NAF1: variants seen among roughly 807,000 people sequenced by gnomAD.
The protein encoded by NAF1 is H/ACA ribonucleoprotein complex non-core subunit NAF1.
In NAF1, 11 loss-of-function variants were observed where a neutral mutation model predicts 40.6. The observed-to-expected ratio is 0.27, with a 90% CI of 0.17 to 0.45. NAF1 has a LOEUF of 0.45. Ranked by LOEUF, NAF1 falls within the 20% of genes least tolerant of loss-of-function variation. The pLI, the probability that NAF1 is intolerant of heterozygous loss-of-function variation, is 1.00. For missense variants in NAF1, 607 were observed against 611.1 expected (o/e 0.99, Z 0.07); for synonymous variants, 260 against 228.5 (o/e 1.14, Z -1.24).
At chr4:163,127,004 T>C, downstream of NAF1, 4 of 1,551,458 alleles carry the variant, frequency 2.6e-6, no homozygotes, top group East Asian at 4.9e-5. Flanking sequence ...TAAACTAAAG[T>C]AGCATGTAAA....
At chr4:163,107,308 C>G (rs1180661542), downstream of NAF1, among the ~76,000 whole-genome samples, 7 of 152,128 alleles carry the variant, frequency 4.6e-5, no homozygotes, top group Admixed American at 2.0e-4. Context: ...TTGCTACTTA[C>G]GTCATTTTGC....
Position 163,164,316 on chromosome 4 carries a change from T to C in NAF1, c.441A>G (p.Ile147Met). ...CATCTGACAGCACTGGAGGAAGTGA[T>C]ATACAAGAGGAAGAAGACGACGATG... ...SSSSSSSSSC[I>M]SLPPVLSDGD... The change falls in exon 2 of 8, where the codon ATA (isoleucine) becomes ATG (methionine). Residue 147 changes from isoleucine to methionine, a missense_variant. Ile to Met is a conservative substitution (Grantham distance 10). Coordinates refer to ENST00000274054, the MANE Select transcript of NAF1 (RefSeq NM_138386.3). 6.2e-7 allele frequency: 1 copy of C among 1,602,352 alleles called. No individual in the cohort carries two copies.
chr4:163,130,688 CATAA>C (rs941467685), intron 7 of NAF1, among the ~76,000 whole-genome samples: 1 of 152,178 alleles, frequency 6.6e-6, no homozygotes, highest in Admixed American at 6.5e-5. Flanking sequence ...TACAACAGAG[CATAA>C]GTAGTGTTTT....
At chr4:163,136,747 G>C (rs1203164195) in intron 6 of NAF1, among the ~76,000 whole-genome samples, 1 of 152,124 alleles carries the variant, frequency 6.6e-6, no homozygotes. Context: ...AAAGTAGAGA[G>C]GTAGGTAGCT....
At chr4:163,129,765 G>C (rs947645861) in intron 7 of NAF1, among the ~76,000 whole-genome samples, 1 of 152,104 alleles carries the variant, frequency 6.6e-6, no homozygotes, top group African/African-American at 2.4e-5. Context: ...ACATCACATG[G>C]GGAACCTGAA....
intron 1 of NAF1, among the ~76,000 whole-genome samples, chr4:163,165,945 T>C (rs1732440038): frequency 6.6e-6 from 1 of 152,044 alleles, no homozygotes; most frequent in Non-Finnish European, 1.5e-5. Flanking sequence ...TGATCCCCAA[T>C]GTATGTGGTT....
At chr4:163,157,000 G>C (rs1732012373) in intron 2 of NAF1, 1 of 152,028 alleles carries the variant, frequency 6.6e-6, no homozygotes, top group Non-Finnish European at 1.5e-5. Flanking sequence ...ACATAACAAA[G>C]AGTAGGAAAG....
At chr4:163,142,830 A>T (rs1447321351) in intron 4 of NAF1, among the ~76,000 whole-genome samples, 1 of 152,208 alleles carries the variant, frequency 6.6e-6, no homozygotes, top group Non-Finnish European at 1.5e-5. Flanking sequence ...CTGAGAGCTA[A>T]ACTGTAAAGA....
At chr4:163,162,294 C>T (rs998927321) in intron 2 of NAF1, among the ~76,000 whole-genome samples, 3 of 152,162 alleles carry the variant, frequency 2.0e-5, no homozygotes, top group Non-Finnish European at 2.9e-5. Flanking sequence ...TTTGAAACCC[C>T]GAAGAAGTCC....
chr4:163,165,718 T>G (rs1732426359), intron 1 of NAF1, among the ~76,000 whole-genome samples: 1 of 152,124 alleles, frequency 6.6e-6, no homozygotes, highest in African/African-American at 2.4e-5. Context: ...TTTAGTAACA[T>G]CCCACATGCT....
At position 163,166,530 on chromosome 4, in the gene NAF1, A is replaced by G. The variant is rs772358181; in HGVS notation, c.198T>C (p.Pro66=). 6.3e-7 allele frequency: 1 copy of G among 1,594,840 alleles called. No homozygotes were observed. The highest frequency in any genetic ancestry group is 8.5e-7 in the Non-Finnish European group (1 of 1,170,962). Residue 66 remains proline (P), a synonymous_variant, in exon 1 of 8, where the codon CCT becomes CCC. Coordinates refer to ENST00000274054, the MANE Select transcript of NAF1 (RefSeq NM_138386.3). ...TVEVKPAGEQ[P]LQPVLNAVAA... ...CGACGGCGTTCAGAACGGGCTGCAG[A>G]GGCTGCTCCCCGGCAGGCTTAACCT...
chr4:163,160,186 A>G (rs991418644), intron 2 of NAF1, among the ~76,000 whole-genome samples: 1 of 152,154 alleles, frequency 6.6e-6, no homozygotes, highest in African/African-American at 2.4e-5. Context: ...AAACCTTCTG[A>G]GCATTAAAAA....
Position 163,166,861 on chromosome 4 carries a change from G to A in NAF1, c.-134C>T, listed in dbSNP as rs1732506165. The A allele has an allele frequency of 1.6e-6, 2 of 1,217,808 alleles. No individual in the cohort carries two copies. The highest frequency in any genetic ancestry group is 2.2e-6 in the Non-Finnish European group (2 of 895,984). 75.4% of individuals were successfully genotyped at this position (1,217,808 alleles called of 1,614,324 possible). On this transcript the variant is annotated 5_prime_UTR_variant, in exon 1 of 8. Coordinates refer to ENST00000274054, the MANE Select transcript of NAF1 (RefSeq NM_138386.3). ...GGGCCCAACTTCCCGCGTTTCTCAG[G>A]TAACTACACGCGGAGGAGCCAAAAG...
In NAF1 at chr4:163,129,090, A is replaced by G. The variant is rs753171587; in HGVS notation, c.1292T>C (p.Met431Thr). The G allele has an allele frequency of 2.9e-5, 46 of 1,604,506 alleles. No homozygotes were observed. In the South Asian group the frequency reaches 5.0e-4, roughly 17 times the overall value. The stretch of plus-strand genomic sequence containing the variant: ...TGGAGGGCGGAGGGGAAAATTATGC[A>G]TGTCAAACACTGGAAGAGGAAAGGG... The part of the protein sequence containing the change: ...QYPFPLPVFD[M>T]HNFPLRPPPP... Residue 431 changes from methionine (M) to threonine (T), a missense_variant, in exon 8 of 8, where the codon ATG becomes ACG. By Grantham distance (81) the Met-to-Thr change is moderately conservative. Around this residue, in one of 3 missense-constraint regions of NAF1, gnomAD observed 189 missense variants for 216.6 expected, o/e 0.87. Transcript: ENST00000274054.
chr4:163,137,128 G>T, intron 6 of NAF1, 71 bp downstream of exon 6: 2 of 1,559,260 alleles, frequency 1.3e-6, no homozygotes, highest in East Asian at 2.3e-5. Flanking sequence ...CTAACAGCAA[G>T]AATGATAAAA....
rs1002969376 is a variant in NAF1 at position 163,128,720 on chromosome 4, A to G, written c.*177T>C. ...TGTTCTCCCAAGAATTTGAGCTGAC[A>G]TTTTCATATGAATACAATTTCACAA... On this transcript the variant is annotated 3_prime_UTR_variant, in exon 8 of 8. Coordinates refer to ENST00000274054, the MANE Select transcript of NAF1 (RefSeq NM_138386.3). 12 of 1,125,382 alleles carry G rather than the reference A, an allele frequency of 1.1e-5. No individual in the cohort carries two copies. The highest frequency in any genetic ancestry group is 1.4e-5 in the Non-Finnish European group (12 of 882,966). 69.7% of individuals were successfully genotyped at this position (1,125,382 alleles called of 1,614,324 possible).
At chr4:163,143,689 G>C (rs1000218229) in intron 4 of NAF1, among the ~76,000 whole-genome samples, 8 of 152,168 alleles carry the variant, frequency 5.3e-5, no homozygotes, top group African/African-American at 1.9e-4. Context: ...AATGCTGGCA[G>C]GCTGTGCCTG....
intron 1 of NAF1, among the ~76,000 whole-genome samples, chr4:163,166,091 A>T (rs1396436934): frequency 6.6e-6 from 1 of 152,198 alleles, no homozygotes; most frequent in African/African-American, 2.4e-5. Flanking sequence ...AAAGTCTAAC[A>T]AAAAATGATA....
chr4:163,104,878 CTT>C, the NAF1 span, among the ~76,000 whole-genome samples: 5 of 152,178 alleles, frequency 3.3e-5, no homozygotes, highest in Non-Finnish European at 5.9e-5. Context: ...AGAAACCTAA[CTT>C]AATTATATCC....
Sources: allele counts gnomAD v4.1 joint callset (sites outside exome capture counted in the v4.1 genomes callset), GRCh38; gene constraint gnomAD v4.1.1; regional missense constraint gnomAD v4.1.1; transcripts MANE v1.5; gene names NCBI Gene and HGNC (gene_info 2026-07-23, HGNC 2026-07-21).